The following LARP1B variants were observed in gnomAD, a reference collection of about 807,000 sequenced individuals.
The protein encoded by LARP1B is La ribonucleoprotein 1B, also known as la-related protein 1B.
A neutral mutation model predicts 114.2 loss-of-function variants in LARP1B; 76 were observed. The observed-to-expected ratio is 0.67, with a 90% CI of 0.55 to 0.81. The LOEUF is 0.81. Among genes scored for constraint, LARP1B ranks in the 30% least tolerant of loss-of-function variants. The pLI is 0.00. For missense variants in LARP1B, 1,014 were observed against 1,075.8 expected, an observed-to-expected ratio of 0.94 and a Z score of 0.80; for synonymous variants, 345 against 348.0, an observed-to-expected ratio of 0.99 and a Z score of 0.10.
intron 15 of LARP1B, among the ~76,000 whole-genome samples, chr4:128,194,682 CAAAAAAAAAAAA>C (rs56843140): frequency 2.3e-4 from 6 of 25,906 alleles, no homozygotes; most frequent in African/African-American, 5.3e-4. Flanking sequence ...GACTCTGTCT[CAAAAAAAAAAAA>C]AAAAAAAAAA....
In LARP1B at chr4:128,162,326, A is replaced by G. The variant is rs1738863702; in HGVS notation, c.1648+9A>G. On this transcript the variant is annotated intron_variant, in intron 12 of 19. Coordinates refer to ENST00000326639, the MANE Select transcript of LARP1B (RefSeq NM_018078.4). ...TTCACAGTCCAGGCAAGGTATGTAA[A>G]TCTGCTTTTGTGTAAGTGTCTGAAT... 3.7e-6 allele frequency: 6 copies of G among 1,609,604 alleles called. No homozygotes were observed. Among genetic ancestry groups the G allele is most frequent in the East Asian group, 2.2e-5 (1 of 44,798 alleles).
chr4:128,160,917 T>C (rs1037000867), intron 11 of LARP1B, among the ~76,000 whole-genome samples: 1 of 152,244 alleles, frequency 6.6e-6, no homozygotes, highest in Non-Finnish European at 1.5e-5. Context: ...AAAAGATTCT[T>C]TTGTTATTAA....
intron 11 of LARP1B, among the ~76,000 whole-genome samples, chr4:128,152,440 G>A (rs938253993): frequency 2.0e-5 from 3 of 151,994 alleles, no homozygotes; most frequent in Admixed American, 6.5e-5. Context: ...CTGACCTCGT[G>A]ATCCACCTGC....
Position 128,208,402 on chromosome 4 carries a change from C to T in LARP1B, c.2547+1019C>T, listed in dbSNP as rs576691494. Among the ~76,000 whole-genome samples the T allele has an allele frequency of 8.4e-4, 128 of 151,630 alleles. 4 individuals carry two copies. The South Asian group carries it at 0.026, about 31-fold the overall frequency. ...AAAGAAGTAAAAGGAAGGCTAGGTT[C>T]ATCATCTCTGCTTTGTGTTGTAATT... On this transcript the variant is annotated intron_variant, in intron 19 of 19. Transcript: ENST00000326639.
intron 11 of LARP1B, among the ~76,000 whole-genome samples, chr4:128,127,563 G>T (rs945310259): frequency 2.0e-5 from 3 of 152,206 alleles, no homozygotes; most frequent in Non-Finnish European, 4.4e-5. Context: ...GCCGGGCACG[G>T]TGGCTCACGC....
intron 12 of LARP1B, among the ~76,000 whole-genome samples, chr4:128,176,239 A>G (rs1209219551): frequency 7.0e-6 from 1 of 142,130 alleles, no homozygotes; most frequent in African/African-American, 2.6e-5. Context: ...ATACATTTAT[A>G]TAAATATATA....
chr4:128,148,342 A>G (rs1277193010), intron 11 of LARP1B, among the ~76,000 whole-genome samples: 2 of 152,012 alleles, frequency 1.3e-5, no homozygotes, highest in African/African-American at 2.4e-5. Flanking sequence ...GAGGCCGGAG[A>G]ATCTCTTGAA....
chr4:128,185,208 G>A (rs1749896131), intron 15 of LARP1B, among the ~76,000 whole-genome samples: 1 of 152,038 alleles, frequency 6.6e-6, no homozygotes, highest in African/African-American at 2.4e-5. Context: ...GGAGATTTCT[G>A]GATCATATGG....
intron 17 of LARP1B, among the ~76,000 whole-genome samples, chr4:128,204,275 A>C (rs1447513620): frequency 6.6e-6 from 1 of 152,032 alleles, no homozygotes; most frequent in Non-Finnish European, 1.5e-5. Context: ...AAAAAAAAAA[A>C]TGGTTGGAAA....
chr4:128,084,594 C>A (rs188634112), intron 5 of LARP1B, among the ~76,000 whole-genome samples: 3 of 150,714 alleles, frequency 2.0e-5, no homozygotes, highest in Non-Finnish European at 4.4e-5. Context: ...AGCTTCGGCT[C>A]GGCATCAGAG....
At chr4:128,095,448 C>G (rs1777548899) in intron 7 of LARP1B, among the ~76,000 whole-genome samples, 1 of 148,114 alleles carries the variant, frequency 6.8e-6, no homozygotes, top group Non-Finnish European at 1.5e-5. Flanking sequence ...GAGATCATGC[C>G]ATCCCACTCC....
Position 128,210,151 on chromosome 4 carries a change from CAG to C in LARP1B, c.*99_*100del, listed in dbSNP as rs1157344305. On this transcript the variant is annotated 3_prime_UTR_variant, in exon 20 of 20. Coordinates refer to ENST00000326639, the MANE Select transcript of LARP1B (RefSeq NM_018078.4). ...TTGTCCTTGAAGTCAACATTTACAT[CAG>C]TATTTATTTGGGGAAAATCTTCTGG... 6.4e-7 allele frequency: 1 copy of C among 1,566,532 alleles called. No homozygotes were observed. Among genetic ancestry groups the C allele is most frequent in the African/African-American group, 1.4e-5 (1 of 73,606 alleles).
At chr4:128,137,266 A>C (rs923237373) in intron 11 of LARP1B, among the ~76,000 whole-genome samples, 3 of 152,126 alleles carry the variant, frequency 2.0e-5, no homozygotes, top group African/African-American at 7.2e-5. Context: ...CCAATTCTCA[A>C]AGACAGAGCA....
intron 4 of LARP1B, among the ~76,000 whole-genome samples, chr4:128,081,878 G>T (rs1210634464): frequency 6.6e-6 from 1 of 152,174 alleles, no homozygotes; most frequent in African/African-American, 2.4e-5. Flanking sequence ...GGGATTACTG[G>T]CGTGTGCCAC....
Position 128,199,483 on chromosome 4 carries a change from G to T in LARP1B, c.2048G>T (p.Ser683Ile), listed in dbSNP as rs758835917. 6 of 1,600,516 alleles carry T rather than the reference G, an allele frequency of 3.7e-6. No homozygotes were observed. In the Admixed American group the frequency reaches 8.5e-5, roughly 23 times the overall value. ...TCAGAAGGCGCACCACTAGCAGGAA[G>T]TTATGGATGTACTCCTCATTCATTC... Reference protein sequence around the residue: ...SPSEGAPLAGSYGCTPHSFPK... With the variant: ...SPSEGAPLAGIYGCTPHSFPK... Residue 683 changes from serine to isoleucine, a missense_variant, in exon 16 of 20, where the codon AGT (serine) becomes ATT (isoleucine). Ser to Ile is a moderately radical substitution (Grantham distance 142, BLOSUM62 -2). Transcript: ENST00000326639.
chr4:128,186,622 C>T (rs1476864223), intron 15 of LARP1B, among the ~76,000 whole-genome samples: 1 of 152,144 alleles, frequency 6.6e-6, no homozygotes, highest in East Asian at 1.9e-4. Flanking sequence ...AGTGTGGATG[C>T]TCTTTCTCTT....
chr4:128,164,449 A>G (rs948701019), intron 12 of LARP1B, among the ~76,000 whole-genome samples: 2 of 152,188 alleles, frequency 1.3e-5, no homozygotes, highest in Non-Finnish European at 2.9e-5. Context: ...ATTGCATGAC[A>G]TTAACAAAGA....
chr4:128,178,571 A>G lies in LARP1B; in HGVS notation c.1825A>G (p.Arg609Gly), dbSNP rs781204216. The part of the protein sequence containing the change: ...TRTPKTPRTP[R>G]LQDPNKTPRF... ...AACACCCAAAACACCTCGAACACCT[A>G]GGTTACAAGATCCTAACAAAACACC... Residue 609 changes from arginine to glycine, a missense_variant, in exon 14 of 20, where the codon AGG (arginine) becomes GGG (glycine). By Grantham distance (125) the Arg-to-Gly change is moderately radical (BLOSUM62 -2). Coordinates refer to ENST00000326639, the MANE Select transcript of LARP1B (RefSeq NM_018078.4). 9.3e-6 allele frequency: 15 copies of G among 1,614,124 alleles called. No homozygotes were observed. The highest frequency in any genetic ancestry group is 6.7e-5 in the Admixed American group (4 of 60,008).
At position 128,153,292 on chromosome 4, in the gene LARP1B, C is replaced by CATTTATTT. The variant is rs36202530; in HGVS notation, c.1525-8867_1525-8860dup. Among the ~76,000 whole-genome samples, 262 of 140,994 alleles carry CATTTATTT rather than the reference C, an allele frequency of 1.9e-3. 1 individual carries two copies. The highest frequency in any genetic ancestry group is 3.8e-3 in the Middle Eastern group (1 of 264). 92.5% of individuals were successfully genotyped at this position (140,994 alleles called of 152,430 possible). ...ACCACCACGCCTGGCCTTGGTTTGC[C>CATTTATTT]ATTTATTTATTTATTTATTTATTTA... On this transcript the variant is annotated intron_variant, in intron 11 of 19. Coordinates refer to ENST00000326639, the MANE Select transcript of LARP1B (RefSeq NM_018078.4).
Sources: allele counts gnomAD v4.1 joint callset (sites outside exome capture counted in the v4.1 genomes callset), GRCh38; gene constraint gnomAD v4.1.1; transcripts MANE v1.5; gene names NCBI Gene and HGNC (gene_info 2026-07-23, HGNC 2026-07-21).